The following KIAA0825 variants were observed in gnomAD, a reference collection of about 807,000 sequenced individuals.
KIAA0825 encodes the protein KIAA0825.
KIAA0825 carries 119 observed loss-of-function variants against 147.6 expected under a neutral mutation model. The observed-to-expected ratio is 0.81, with a 90% CI of 0.69 to 0.94. The LOEUF is 0.94. Among genes scored for constraint, KIAA0825 ranks in the 40% least tolerant of loss-of-function variants. The pLI is 0.00. For missense variants in KIAA0825, 1,381 were observed against 1,472.7 expected (o/e 0.94, Z 1.02); for synonymous variants, 470 against 518.1 (o/e 0.91, Z 1.26).
chr5:94,352,820 C>T (rs1217821644), intron 20 of KIAA0825, among the ~76,000 whole-genome samples: 1 of 151,924 alleles, frequency 6.6e-6, no homozygotes, highest in African/African-American at 2.4e-5. Context: ...TGAAGTAACT[C>T]AGGAATAGAA....
At chr5:94,241,608 C>A (rs1320408173) in intron 20 of KIAA0825, among the ~76,000 whole-genome samples, 1 of 152,044 alleles carries the variant, frequency 6.6e-6, no homozygotes, top group African/African-American at 2.4e-5. Context: ...CATCTTTTTT[C>A]TTTTTCCAGT....
intron 3 of KIAA0825, among the ~76,000 whole-genome samples, chr5:94,529,244 AC>A (rs1728990259): frequency 8.1e-6 from 1 of 123,252 alleles, no homozygotes; most frequent in African/African-American, 3.7e-5. Flanking sequence ...ATGTATATAT[AC>A]ATATATATGT....
chr5:94,152,888 A>AAGGTT lies in KIAA0825; in HGVS notation c.*1118_*1119insAACCT, dbSNP rs1766688681. The AAGGTT allele has an allele frequency of 1.7e-5, 1 of 60,142 alleles. No individual in the cohort carries two copies. The highest frequency in any genetic ancestry group is 3.1e-5 in the Non-Finnish European group (1 of 31,946). 3.7% of individuals were successfully genotyped at this position (60,142 alleles called of 1,614,324 possible). On this transcript the variant is annotated 3_prime_UTR_variant, in exon 21 of 21. Coordinates refer to ENST00000682413, the MANE Select transcript of KIAA0825 (RefSeq NM_001145678.3). ...TATATATATATATATATATATATAT[A>AAGGTT]TATATATATATATATGGTTTCTCCC...
At chr5:94,583,169 G>A (rs1221161156) in intron 1 of KIAA0825, among the ~76,000 whole-genome samples, 1 of 152,218 alleles carries the variant, frequency 6.6e-6, no homozygotes, top group African/African-American at 2.4e-5. Context: ...ACTGGGACTG[G>A]TTGGACAGTG....
In KIAA0825 at chr5:94,310,645, TACA is replaced by T. The variant is rs546400933; in HGVS notation, c.3710+73720_3710+73722del. Reference sequence around the variant, plus strand: ...AAAGGACTACAGAAGTAATTTTATCTACAACAAGTCATAAGTATCAACTAGGGT... The same window carrying T: ...AAAGGACTACAGAAGTAATTTTATCTACAAGTCATAAGTATCAACTAGGGT... On this transcript the variant is annotated intron_variant, in intron 20 of 20. Transcript: ENST00000682413. Among the ~76,000 whole-genome samples the T allele has an allele frequency of 2.2e-3, 341 of 151,780 alleles. 1 individual carries two copies. The highest frequency in any genetic ancestry group is 7.8e-3 in the African/African-American group (323 of 41,492).
chr5:94,359,929 C>T (rs905508799), intron 20 of KIAA0825, among the ~76,000 whole-genome samples: 3 of 152,156 alleles, frequency 2.0e-5, no homozygotes, highest in Non-Finnish European at 4.4e-5. Flanking sequence ...CTGTGGCAGA[C>T]ATTGCTAATT....
chr5:94,340,676 TCATGATACATATGTTA>T (rs1610944), intron 20 of KIAA0825, among the ~76,000 whole-genome samples: 29,874 of 152,024 alleles, frequency 0.2, 3,460 homozygotes, highest in Middle Eastern at 0.26. Flanking sequence ...GTGAAAAAGC[TCATGATACATATGTTA>T]CATGATACAT....
intron 11 of KIAA0825, 77 bp downstream of exon 11, chr5:94,464,792 T>G (rs1472317358): frequency 1.9e-4 from 237 of 1,221,202 alleles, no homozygotes; most frequent in South Asian, 3.6e-4. Flanking sequence ...GAGTATGTCA[T>G]GAGATTCAGA....
intron 14 of KIAA0825, among the ~76,000 whole-genome samples, chr5:94,427,484 C>T (rs964305452): frequency 6.6e-6 from 1 of 152,038 alleles, no homozygotes; most frequent in Admixed American, 6.5e-5. Flanking sequence ...TGCAGTGAGC[C>T]ATGATTGCAC....
intron 5 of KIAA0825, among the ~76,000 whole-genome samples, chr5:94,509,025 A>G (rs1341869333): frequency 1.3e-5 from 2 of 152,218 alleles, no homozygotes; most frequent in African/African-American, 2.4e-5. Context: ...TGCCTGTGAC[A>G]TAGCTCTGTC....
intron 14 of KIAA0825, among the ~76,000 whole-genome samples, chr5:94,439,277 G>A (rs1428500181): frequency 1.3e-5 from 2 of 152,132 alleles, no homozygotes; most frequent in Non-Finnish European, 2.9e-5. Flanking sequence ...ATCAGGCTTC[G>A]CTTGTGGTAC....
intron 20 of KIAA0825, among the ~76,000 whole-genome samples, chr5:94,364,361 T>C (rs1745506348): frequency 6.6e-6 from 1 of 151,358 alleles, no homozygotes; most frequent in Non-Finnish European, 1.5e-5. Flanking sequence ...CTCTCATTTG[T>C]GATATCAGGA....
intron 2 of KIAA0825, among the ~76,000 whole-genome samples, chr5:94,575,359 C>T (rs939798186): frequency 7.6e-5 from 11 of 145,468 alleles, no homozygotes; most frequent in African/African-American, 1.8e-4. Context: ...GTGGCCATGA[C>T]GGAAAAAAAA....
At chr5:94,569,439 C>T (rs1351705262) in intron 2 of KIAA0825, 2 of 406,758 alleles carry the variant, frequency 4.9e-6, no homozygotes, top group Non-Finnish European at 9.0e-6. Flanking sequence ...ACTAAAACCA[C>T]ACTTAACAAA....
rs145231290 is a variant in KIAA0825 at position 94,550,119 on chromosome 5, C to T, written c.-1-12992G>A. Reference sequence around the variant, plus strand: ...CAACAACATGGATGAAACTGGAGGTCATTATGTTAAATGAAAAAAACCAGG... The same window carrying T: ...CAACAACATGGATGAAACTGGAGGTTATTATGTTAAATGAAAAAAACCAGG... On this transcript the variant is annotated intron_variant, in intron 2 of 20. Transcript: ENST00000682413. 5.4e-3 allele frequency among the ~76,000 whole-genome samples: 822 copies of T among 152,162 alleles called. 5 individuals are homozygous for T. The highest frequency in any genetic ancestry group is 0.014 in the Middle Eastern group (4 of 294).
chr5:94,604,903 G>A (rs1184451935), intron 1 of KIAA0825, among the ~76,000 whole-genome samples: 2 of 151,936 alleles, frequency 1.3e-5, no homozygotes, highest in African/African-American at 4.8e-5. Context: ...AATAAGGGCT[G>A]AACTGAAGGA....
chr5:94,572,014 A>G (rs1474452639), intron 2 of KIAA0825, among the ~76,000 whole-genome samples: 3 of 151,918 alleles, frequency 2.0e-5, no homozygotes, highest in Non-Finnish European at 2.9e-5. Context: ...CTTGAGCCCA[A>G]GAGTTCAAGC....
At chr5:94,584,923 T>G (rs893623011) in intron 1 of KIAA0825, among the ~76,000 whole-genome samples, 1 of 152,174 alleles carries the variant, frequency 6.6e-6, no homozygotes, top group Admixed American at 6.5e-5. Flanking sequence ...ACCCAGAATT[T>G]CATATTGAGC....
chr5:94,557,205 C>G (rs1776697328), intron 2 of KIAA0825, among the ~76,000 whole-genome samples: 1 of 152,066 alleles, frequency 6.6e-6, no homozygotes, highest in South Asian at 2.1e-4. Flanking sequence ...CCTTGACCTC[C>G]TGGGCCAAGT....
Sources: gnomAD v4.1 joint callset for allele counts (sites outside exome capture counted in the v4.1 genomes callset) on GRCh38, gnomAD v4.1.1 for gene constraint, MANE v1.5 for transcripts, NCBI Gene and HGNC (gene_info 2026-07-23, HGNC 2026-07-21) for gene names.